The following NELL1 variants were observed in gnomAD, a reference collection of about 807,000 sequenced individuals.
NELL1 encodes protein kinase C-binding protein NELL1.
A neutral mutation model predicts 107.4 loss-of-function variants in NELL1; 76 were observed. The observed-to-expected ratio is 0.71, with a 90% CI of 0.59 to 0.86. NELL1 has a LOEUF of 0.86. NELL1 is among the 40% of genes least tolerant of loss of function. The pLI is 0.00. For missense variants in NELL1, 1,024 were observed against 1,005.5 expected, an observed-to-expected ratio of 1.02 and a Z score of -0.25; for synonymous variants, 353 against 341.2, an observed-to-expected ratio of 1.03 and a Z score of -0.38.
chr11:21,513,930 C>T lies in NELL1; in HGVS notation c.1646-20444C>T, dbSNP rs115178073. 8.1e-3 allele frequency among the ~76,000 whole-genome samples: 1,239 copies of T among 152,304 alleles called. 23 individuals carry two copies. Among genetic ancestry groups the T allele is most frequent in the African/African-American group, 0.028 (1,164 of 41,568 alleles). ...TAGAGTGATGATGAGACACCCACCC[C>T]TGCCTGGGATTCCAGGCATTGTGCC... On this transcript the variant is annotated intron_variant, in intron 15 of 19. Transcript: ENST00000357134.
chr11:21,037,253 A>G (rs1277943985), intron 12 of NELL1, among the ~76,000 whole-genome samples: 3 of 152,116 alleles, frequency 2.0e-5, no homozygotes, highest in African/African-American at 7.2e-5. Flanking sequence ...AAAAATGTGA[A>G]TTTACCCACC....
chr11:20,970,057 A>G (rs12271249), intron 12 of NELL1, among the ~76,000 whole-genome samples: 86 of 25,180 alleles, frequency 3.4e-3, no homozygotes, highest in South Asian at 5.6e-3. Flanking sequence ...CTCTCTGTCC[A>G]TCCATCCATC....
chr11:20,967,852 G>GA (rs1590474484), intron 12 of NELL1, among the ~76,000 whole-genome samples: 1 of 152,226 alleles, frequency 6.6e-6, no homozygotes, highest in East Asian at 1.9e-4. Flanking sequence ...CCCAAATTTG[G>GA]TCCTGTGTCA....
intron 5 of NELL1, among the ~76,000 whole-genome samples, chr11:20,886,971 A>T (rs888527889): frequency 1.3e-5 from 2 of 152,206 alleles, no homozygotes; most frequent in Admixed American, 6.5e-5. Flanking sequence ...CCATTTCTTT[A>T]TCTCCAAAAA....
intron 13 of NELL1, among the ~76,000 whole-genome samples, chr11:21,129,283 G>C (rs1855560468): frequency 6.6e-6 from 1 of 152,050 alleles, no homozygotes; most frequent in South Asian, 2.1e-4. Context: ...TGGAACCCTC[G>C]TGCACTGTTG....
chr11:21,377,138 T>A (rs969688017), intron 15 of NELL1, among the ~76,000 whole-genome samples: 1 of 152,104 alleles, frequency 6.6e-6, no homozygotes, highest in Non-Finnish European at 1.5e-5. Flanking sequence ...TCAAGGGGAA[T>A]GCTTCCAGTT....
chr11:21,543,362 A>G (rs1856341589), intron 16 of NELL1, among the ~76,000 whole-genome samples: 1 of 152,046 alleles, frequency 6.6e-6, no homozygotes, highest in Admixed American at 6.6e-5. Flanking sequence ...AGTAAATGCA[A>G]GCATGATTTT....
intron 12 of NELL1, among the ~76,000 whole-genome samples, chr11:20,975,850 A>ATG (rs1564995455): frequency 1.5e-5 from 2 of 136,074 alleles, no homozygotes; most frequent in Non-Finnish European, 3.1e-5. Context: ...TGTATTATAT[A>ATG]TACATATATG....
chr11:21,314,141 G>A (rs746120656), intron 14 of NELL1, among the ~76,000 whole-genome samples: 62 of 151,940 alleles, frequency 4.1e-4, no homozygotes, highest in East Asian at 1.2e-3. Flanking sequence ...CTGCAGAACC[G>A]AGACCCAGTT....
chr11:21,146,030 A>G (rs1334532475), intron 13 of NELL1, among the ~76,000 whole-genome samples: 3 of 152,162 alleles, frequency 2.0e-5, no homozygotes, highest in Non-Finnish European at 4.4e-5. Context: ...CCCTTGGACA[A>G]TATAAGTGAA....
At chr11:20,965,429 A>G (rs960817013) in intron 12 of NELL1, among the ~76,000 whole-genome samples, 1 of 152,180 alleles carries the variant, frequency 6.6e-6, no homozygotes, top group Non-Finnish European at 1.5e-5. Flanking sequence ...ATTGAGACCA[A>G]TACTTTGAGA....
chr11:21,358,554 A>G (rs1850992791), intron 14 of NELL1, among the ~76,000 whole-genome samples: 1 of 140,614 alleles, frequency 7.1e-6, no homozygotes, highest in Non-Finnish European at 1.5e-5. Context: ...ACATGCCACC[A>G]TGCCCTGATA....
chr11:20,761,210 A>G (rs1856412518), intron 2 of NELL1, among the ~76,000 whole-genome samples: 1 of 152,200 alleles, frequency 6.6e-6, no homozygotes, highest in African/African-American at 2.4e-5. Flanking sequence ...GCAGTTTAAC[A>G]TAACATGACA....
intron 13 of NELL1, among the ~76,000 whole-genome samples, chr11:21,208,367 A>C (rs16907681): frequency 0.084 from 12,680 of 151,414 alleles, 865 homozygotes; most frequent in East Asian, 0.27. Flanking sequence ...TCAATATTTT[A>C]ACATGCATTT....
At chr11:21,500,730 T>C (rs929233317) in intron 15 of NELL1, among the ~76,000 whole-genome samples, 1 of 152,112 alleles carries the variant, frequency 6.6e-6, no homozygotes, top group Non-Finnish European at 1.5e-5. Context: ...AGTTGAGAGA[T>C]TGTATTTACA....
chr11:21,346,582 AAATAT>A (rs1347440588), intron 14 of NELL1, among the ~76,000 whole-genome samples: 1 of 138,670 alleles, frequency 7.2e-6, no homozygotes, highest in Non-Finnish European at 1.6e-5. Flanking sequence ...TATATATGAT[AAATAT>A]AATATATAAT....
At chr11:20,961,361 T>G (rs1851287106) in intron 12 of NELL1, among the ~76,000 whole-genome samples, 1 of 152,190 alleles carries the variant, frequency 6.6e-6, no homozygotes, top group African/African-American at 2.4e-5. Context: ...CTCCCTTCCA[T>G]CAGTTTGCAA....
At chr11:20,689,383 C>A (rs1447634988) in intron 2 of NELL1, among the ~76,000 whole-genome samples, 4 of 150,522 alleles carry the variant, frequency 2.7e-5, no homozygotes, top group Admixed American at 6.6e-5. Context: ...GTGCTGCACC[C>A]ATTAACTCAT....
intron 14 of NELL1, among the ~76,000 whole-genome samples, chr11:21,319,830 G>A (rs57350925): frequency 1.3e-5 from 2 of 151,864 alleles, no homozygotes; most frequent in Middle Eastern, 3.2e-3. Flanking sequence ...AATGTGGAAG[G>A]TTCAGCTCAT....
Sources: gnomAD v4.1 joint callset for allele counts (sites outside exome capture counted in the v4.1 genomes callset) on GRCh38, gnomAD v4.1.1 for gene constraint, MANE v1.5 for transcripts, NCBI Gene and HGNC (gene_info 2026-07-23, HGNC 2026-07-21) for gene names.